YEATS2: variants seen among roughly 807,000 people sequenced by gnomAD.
YEATS2 encodes YEATS domain-containing protein 2.
A neutral mutation model predicts 163.2 loss-of-function variants in YEATS2; 77 were observed. That is an observed-to-expected ratio of 0.47 (90% CI 0.39 to 0.57). The LOEUF (loss-of-function observed/expected upper bound fraction) is 0.57. Among genes scored for constraint, YEATS2 ranks in the 20% least tolerant of loss-of-function variants. The pLI is 0.00. For missense variants in YEATS2, 1,549 were observed against 1,729.8 expected (o/e 0.90, Z 1.85); for synonymous variants, 631 against 645.1 (o/e 0.98, Z 0.33).
intron 1 of YEATS2, among the ~76,000 whole-genome samples, 169 bp from the exon 2 acceptor site, chr3:183,714,975 T>C (rs1715682750): frequency 6.6e-6 from 1 of 152,156 alleles, no homozygotes; most frequent in South Asian, 2.1e-4. Flanking sequence ...AATATGTATA[T>C]GTGTGTATAT....
At chr3:183,762,377 T>C (rs1721457633) in intron 15 of YEATS2, 98 bp downstream of exon 15, 6 of 1,413,586 alleles carry the variant, frequency 4.2e-6, no homozygotes, top group Non-Finnish European at 5.7e-6. Flanking sequence ...ACAGGGTTGA[T>C]GATCCCATAA....
At chr3:183,729,132 C>T (rs889692247) in intron 7 of YEATS2, among the ~76,000 whole-genome samples, 6 of 152,078 alleles carry the variant, frequency 3.9e-5, no homozygotes, top group African/African-American at 1.2e-4. Flanking sequence ...ATTAGCTGGG[C>T]GTGGTGGCGG....
chr3:183,772,779 C>CACA (rs555324921), intron 16 of YEATS2, among the ~76,000 whole-genome samples: 56,828 of 147,156 alleles, frequency 0.39, 11,205 homozygotes, highest in Middle Eastern at 0.52. Flanking sequence ...ACACACACAC[C>CACA]CACATACACA....
intron 21 of YEATS2, among the ~76,000 whole-genome samples, chr3:183,791,425 A>G (rs1429868952): frequency 1.3e-5 from 2 of 152,206 alleles, no homozygotes; most frequent in African/African-American, 2.4e-5. Context: ...TGCTTTTTAG[A>G]TGAATTATTT....
chr3:183,736,166 T>C (rs1718320145), intron 7 of YEATS2, among the ~76,000 whole-genome samples: 1 of 152,146 alleles, frequency 6.6e-6, no homozygotes, highest in African/African-American at 2.4e-5. Flanking sequence ...CCAGTTAGCA[T>C]GCACACACAT....
chr3:183,726,953 C>T (rs1295687733), intron 6 of YEATS2, among the ~76,000 whole-genome samples: 17 of 152,164 alleles, frequency 1.1e-4, no homozygotes, highest in Non-Finnish European at 5.9e-5. Flanking sequence ...AGACATGCAC[C>T]GCCACACCTG....
At chr3:183,751,742 CCTG>C (rs1275333988) in intron 9 of YEATS2, among the ~76,000 whole-genome samples, 1 of 152,134 alleles carries the variant, frequency 6.6e-6, no homozygotes, top group African/African-American at 2.4e-5. Context: ...TTCATTGAGA[CCTG>C]CTGGTGAGAA....
In YEATS2 at chr3:183,809,178, T is replaced by C; in HGVS notation, c.4160+8T>C. On this transcript the variant is annotated splice_region_variant and intron_variant, in intron 30 of 30. Transcript: ENST00000305135. ...GACAGCTTCTCACAACAGGTATTACTATCTCTGCAGTCTGTGGTGTGAGGC... is the reference window on the plus strand; with the variant it reads ...GACAGCTTCTCACAACAGGTATTACCATCTCTGCAGTCTGTGGTGTGAGGC... 1 of 1,613,826 alleles carries C rather than the reference T, an allele frequency of 6.2e-7. No homozygotes were observed. Among genetic ancestry groups the C allele is most frequent in the Non-Finnish European group, 8.5e-7 (1 of 1,179,748 alleles).
chr3:183,755,906 C>T (rs1302136003), intron 11 of YEATS2, among the ~76,000 whole-genome samples: 1 of 151,888 alleles, frequency 6.6e-6, no homozygotes, highest in Non-Finnish European at 1.5e-5. Flanking sequence ...GCCACCACAC[C>T]CAGCTAATTT....
In YEATS2 at chr3:183,764,619, A is replaced by G. The variant is rs1650043704; in HGVS notation, c.1947+2340A>G. ...GAGGTCAGGAGTTCGAGATCAGGCC[A>G]ACATAGTGAAACCCCGTCTATACTA... On this transcript the variant is annotated intron_variant, in intron 15 of 30. Transcript: ENST00000305135. Among the ~76,000 whole-genome samples the G allele has an allele frequency of 3.3e-5, 5 of 152,162 alleles. No homozygotes were observed. In the South Asian group the frequency reaches 1.0e-3, roughly 32 times the overall value.
At chr3:183,746,908 CT>C (rs572563110) in intron 8 of YEATS2, among the ~76,000 whole-genome samples, 24 of 148,862 alleles carry the variant, frequency 1.6e-4, no homozygotes, top group South Asian at 6.4e-4. Flanking sequence ...TTTTCCCTCT[CT>C]TTTTTTTTTC....
At chr3:183,756,502 T>C (rs1044007011) in intron 11 of YEATS2, 26 bp from the exon 12 acceptor site, 2 of 1,523,636 alleles carry the variant, frequency 1.3e-6, no homozygotes, top group Admixed American at 4.3e-5. Flanking sequence ...GTATTTTGTT[T>C]GTATTCTCTC....
intron 16 of YEATS2, 89 bp downstream of exon 16, chr3:183,772,652 T>C (rs1722590943): frequency 6.6e-7 from 1 of 1,525,138 alleles, no homozygotes. Flanking sequence ...TTTGATCTGG[T>C]CTAGGAAAGC....
At position 183,773,876 on chromosome 3, in the gene YEATS2, C is replaced by T. The variant is rs903946512; in HGVS notation, c.2368+82C>T. ...CTTGTCCATCTGAGGGCAGTTCTTA[C>T]CTGTTTCAGGAAGCATTTCTGTAAC... On this transcript the variant is annotated intron_variant, in intron 17 of 30. Transcript: ENST00000305135. The T allele has an allele frequency of 4.1e-6, 6 of 1,456,130 alleles. No individual in the cohort carries two copies. The African/African-American group carries it at 5.8e-5, about 14-fold the overall frequency. The allele number at this position is 1,456,130 out of a possible 1,614,324, so 90.2% of individuals were successfully genotyped here. A position where few individuals can be genotyped will look rare whatever the true frequency, so the allele number is the denominator to read the frequency against.
intron 1 of YEATS2, among the ~76,000 whole-genome samples, chr3:183,712,589 A>G (rs1487705836): frequency 6.6e-6 from 1 of 151,954 alleles, no homozygotes; most frequent in African/African-American, 2.4e-5. Context: ...TAGAACAGAG[A>G]TTTGGAAATC....
At chr3:183,808,544 A>T (rs955685307) in intron 29 of YEATS2, among the ~76,000 whole-genome samples, 1 of 152,204 alleles carries the variant, frequency 6.6e-6, no homozygotes, top group African/African-American at 2.4e-5. Context: ...TACCTCCGTA[A>T]CAACTGCTTT....
intron 19 of YEATS2, among the ~76,000 whole-genome samples, chr3:183,782,839 T>C (rs189272657): frequency 9.3e-4 from 138 of 148,084 alleles, no homozygotes; most frequent in African/African-American, 3.2e-3. Flanking sequence ...TAAATATTCT[T>C]ACACAGATAT....
At chr3:183,804,246 TAGAG>T (rs1220367283) in intron 27 of YEATS2, 58 bp downstream of exon 27, 10 of 1,595,068 alleles carry the variant, frequency 6.3e-6, no homozygotes, top group African/African-American at 4.0e-5. Flanking sequence ...TTTGCTGAGG[TAGAG>T]AGAGATGAGG....
intron 14 of YEATS2, 96 bp from the exon 15 acceptor site, chr3:183,762,001 A>AT (rs1238705482): frequency 6.6e-7 from 1 of 1,520,686 alleles, no homozygotes; most frequent in East Asian, 2.3e-5. Flanking sequence ...TCATCAATTC[A>AT]TTAATCCCTG....
Sources: allele counts gnomAD v4.1 joint callset (sites outside exome capture counted in the v4.1 genomes callset), GRCh38; gene constraint gnomAD v4.1.1; transcripts MANE v1.5; gene names NCBI Gene and HGNC (gene_info 2026-07-23, HGNC 2026-07-21).